The following ANXA6 variants were observed in gnomAD, a reference collection of about 807,000 sequenced individuals.
ANXA6 encodes 67 kDa calelectrin.
In ANXA6, 71 loss-of-function variants were observed where a neutral mutation model predicts 95.4. The observed-to-expected ratio is 0.74, with a 90% CI of 0.61 to 0.91. The LOEUF is 0.91. Ranked by LOEUF, ANXA6 falls within the 40% of genes least tolerant of loss-of-function variation. ANXA6 has a pLI of 0.00. For missense variants in ANXA6, 830 were observed against 876.4 expected (o/e 0.95, Z 0.67); for synonymous variants, 289 against 315.9 (o/e 0.91, Z 0.90).
chr5:151,149,366 C>T (rs567817437), intron 1 of ANXA6, among the ~76,000 whole-genome samples: 5 of 152,020 alleles, frequency 3.3e-5, no homozygotes, highest in South Asian at 2.1e-4. Context: ...ATAAGAGAAG[C>T]AGGTAGGGAG....
chr5:151,101,330 ACCCC>A lies in ANXA6; in HGVS notation c.*114_*117del. ...CCACTGAAGATAAGAGCCCAACCCAACCCCTCCCCCCACCCCTGCCCCTTCCTTA... is the reference window on the plus strand; with the variant it reads ...CCACTGAAGATAAGAGCCCAACCCAATCCCCCCACCCCTGCCCCTTCCTTA... On this transcript the variant is annotated 3_prime_UTR_variant, in exon 26 of 26. Coordinates refer to ENST00000354546, the MANE Select transcript of ANXA6 (RefSeq NM_001155.5). 5.2e-6 allele frequency: 2 copies of A among 385,868 alleles called. No homozygotes were observed. The highest frequency in any genetic ancestry group is 2.3e-5 in the African/African-American group (1 of 44,164). The allele number at this position is 385,868 out of a possible 1,614,324, so 23.9% of individuals were successfully genotyped here. A position where few individuals can be genotyped will look rare whatever the true frequency, so the allele number is the denominator to read the frequency against.
chr5:151,109,711 G>T, intron 22 of ANXA6, 42 bp downstream of exon 22: 1 of 1,484,046 alleles, frequency 6.7e-7, no homozygotes, highest in Middle Eastern at 2.0e-4. Flanking sequence ...CAGATTCTGG[G>T]ATCTTCCTGC....
chr5:151,130,271 G>A (rs1410643642), intron 11 of ANXA6, among the ~76,000 whole-genome samples: 1 of 148,626 alleles, frequency 6.7e-6, no homozygotes, highest in African/African-American at 2.5e-5. Flanking sequence ...GTCTCACTCT[G>A]TTGTCCAGGC....
At position 151,100,972 on chromosome 5, in the gene ANXA6, G is replaced by A. The variant is rs1764530865; in HGVS notation, c.*476C>T. 6.6e-6 allele frequency: 3 copies of A among 457,308 alleles called. No homozygotes were observed. Among genetic ancestry groups the A allele is most frequent in the Non-Finnish European group, 8.8e-6 (2 of 227,800 alleles). The allele number at this position is 457,308 out of a possible 1,614,324, so 28.3% of individuals were successfully genotyped here. A position where few individuals can be genotyped will look rare whatever the true frequency, so the allele number is the denominator to read the frequency against. ...AGTACTCTAGCGCGGCCTGGATGGA[G>A]ATGGGTGGTGAAATGGATGGGAAGA... On this transcript the variant is annotated 3_prime_UTR_variant, in exon 26 of 26. Transcript: ENST00000354546.
At chr5:151,134,356 C>A in intron 8 of ANXA6, 71 bp downstream of exon 8, 1 of 1,521,062 alleles carries the variant, frequency 6.6e-7, no homozygotes, top group South Asian at 1.1e-5. Flanking sequence ...CAGCCCTTCC[C>A]AGGGCCCCAA....
chr5:151,142,481 CAAA>C (rs35440128), intron 2 of ANXA6, among the ~76,000 whole-genome samples: 1 of 132,914 alleles, frequency 7.5e-6, no homozygotes, highest in Admixed American at 7.7e-5. Context: ...GACTCTGTCT[CAAA>C]AAAAAAAAAA....
chr5:151,104,107 T>C (rs2113889278), intron 24 of ANXA6, among the ~76,000 whole-genome samples: 1 of 152,198 alleles, frequency 6.6e-6, no homozygotes, highest in East Asian at 1.9e-4. Flanking sequence ...ACCGGAGTGA[T>C]GCATTCACAG....
intron 1 of ANXA6, among the ~76,000 whole-genome samples, chr5:151,149,179 CAA>C (rs36120948): frequency 4.2e-5 from 2 of 47,290 alleles, no homozygotes; most frequent in Non-Finnish European, 7.6e-5. Context: ...AGCCCTGTCT[CAA>C]AAAAAAAAAA....
intron 1 of ANXA6, among the ~76,000 whole-genome samples, chr5:151,152,387 C>T (rs1458705319): frequency 6.6e-6 from 1 of 152,164 alleles, no homozygotes; most frequent in Non-Finnish European, 1.5e-5. Flanking sequence ...GTGGTCGATG[C>T]CCAAGTTCAA....
In ANXA6 at chr5:151,101,419, T is replaced by G. The variant is rs1236329646; in HGVS notation, c.*29A>C. On this transcript the variant is annotated 3_prime_UTR_variant, in exon 26 of 26. Coordinates refer to ENST00000354546, the MANE Select transcript of ANXA6 (RefSeq NM_001155.5). ...GCGGCTGGTGCTGATAACCATTTCT[T>G]GGCAGAAGTGCCCGCCAAAGCTGTG... 1 of 1,542,880 alleles carries G rather than the reference T, an allele frequency of 6.5e-7. No individual in the cohort carries two copies. Among genetic ancestry groups the G allele is most frequent in the Non-Finnish European group, 8.8e-7 (1 of 1,141,434 alleles).
At position 151,131,246 on chromosome 5, in the gene ANXA6, G is replaced by T; in HGVS notation, c.780C>A (p.Leu260=). Residue 260 remains leucine (L), a synonymous_variant, in exon 11 of 26, where the codon CTC becomes CTA. Transcript: ENST00000354546. ...CACCACGCACCTTCATAGCCTTGAA[G>T]AGCCTTTCAGCAAAATATTCCGGGG... The part of the protein sequence containing the change: ...RSTPEYFAER[L]FKAMKGLGTR... 6.2e-7 allele frequency: 1 copy of T among 1,614,012 alleles called. No individual in the cohort carries two copies. Among genetic ancestry groups the T allele is most frequent in the Non-Finnish European group, 8.5e-7 (1 of 1,179,894 alleles).
intron 11 of ANXA6, among the ~76,000 whole-genome samples, 168 bp from the exon 12 acceptor site, chr5:151,129,697 T>TTTTGTTTGTTTG (rs35609303): frequency 0.013 from 1,916 of 149,280 alleles, 29 homozygotes; most frequent in Middle Eastern, 0.034. Context: ...CCTCTTACTG[T>TTTTGTTTGTTTG]TTTGTTTGTT....
Position 151,101,225 on chromosome 5 carries a change from G to T in ANXA6, c.*223C>A. The T allele has an allele frequency of 1.6e-6, 1 of 616,950 alleles. No homozygotes were observed. 38.2% of individuals were successfully genotyped at this position (616,950 alleles called of 1,614,324 possible). The stretch of plus-strand genomic sequence containing the variant: ...GTCAGAGGGGAGTGGAGGTGGACAG[G>T]ATCTATGGCTACGGTTTTTCAGCCG... On this transcript the variant is annotated 3_prime_UTR_variant, in exon 26 of 26. Coordinates refer to ENST00000354546, the MANE Select transcript of ANXA6 (RefSeq NM_001155.5).
intron 23 of ANXA6, 147 bp from the exon 24 acceptor site, chr5:151,105,450 C>A (rs1378764728): frequency 1.3e-5 from 9 of 693,488 alleles, no homozygotes; most frequent in Admixed American, 2.2e-5. Flanking sequence ...TCAGACGACA[C>A]CTTTGCTCCC....
rs985609729 is a variant in ANXA6, at chr5:151,136,240, T to C, written c.489+16A>G. 3.1e-6 allele frequency: 5 copies of C among 1,613,138 alleles called. No individual in the cohort carries two copies. The highest frequency in any genetic ancestry group is 4.5e-5 in the East Asian group (2 of 44,856). On this transcript the variant is annotated intron_variant, in intron 7 of 25. Coordinates refer to ENST00000354546, the MANE Select transcript of ANXA6 (RefSeq NM_001155.5). ...TATCCCAAGCTCCAGAGGAAAAAAA[T>C]AGGCTGTGAACCAACCTGGAGCAGG...
chr5:151,133,823 T>G lies in ANXA6; in HGVS notation c.546+604A>C, dbSNP rs1765584594. ...TTCCCGATGCCCCCAGGCACAGTTC[T>G]ATTTCCCTCCTTTCCTCCCTCTCCT... On this transcript the variant is annotated intron_variant, in intron 8 of 25. Transcript: ENST00000354546. Among the ~76,000 whole-genome samples, 3 of 152,330 alleles carry G rather than the reference T, an allele frequency of 2.0e-5. No homozygotes were observed. In the South Asian group the frequency reaches 6.2e-4, roughly 32 times the overall value.
At chr5:151,147,824 A>T in intron 2 of ANXA6, 60 bp downstream of exon 2, 2 of 1,557,618 alleles carry the variant, frequency 1.3e-6, no homozygotes, top group Non-Finnish European at 1.7e-6. Flanking sequence ...TAGTGGCTCC[A>T]GGAGGATCCC....
rs186259458 is a variant in ANXA6 at position 151,141,755 on chromosome 5, G to A, written c.19-1512C>T. 8 of 975,960 alleles carry A rather than the reference G, an allele frequency of 8.2e-6. No individual in the cohort carries two copies. The East Asian group carries it at 8.0e-4, about 97-fold the overall frequency. The allele number at this position is 975,960 out of a possible 1,614,324, so 60.5% of individuals were successfully genotyped here. ...GAACACAGCTCTCTTCCTGCCACCTGGGAATCCCCTGCAACCTGATCACGC... is the reference window on the plus strand; with the variant it reads ...GAACACAGCTCTCTTCCTGCCACCTAGGAATCCCCTGCAACCTGATCACGC... On this transcript the variant is annotated intron_variant, in intron 2 of 25. Coordinates refer to ENST00000354546, the MANE Select transcript of ANXA6 (RefSeq NM_001155.5).
chr5:151,126,409 C>T lies in ANXA6; in HGVS notation c.1049G>A (p.Arg350Gln), dbSNP rs373658825. ...YQMWELSAVA[R>Q]VELKGTVRPA... ...AGGAGGGGAAGGTCTGACCTCTACT[C>T]GGGCCACTGCACTAAGTTCCCACAT... The change falls in exon 14 of 26, where the codon CGA becomes CAA. Residue 350 changes from arginine (R) to glutamine (Q), a missense_variant. Physicochemically the swap from Arg to Gln is conservative, Grantham distance 43 (BLOSUM62 1). Transcript: ENST00000354546. 5.5e-4 allele frequency: 892 copies of T among 1,608,888 alleles called. 11 individuals carry two copies. The South Asian group carries it at 7.1e-3, about 13-fold the overall frequency.
Sources: gnomAD v4.1 joint callset for allele counts (sites outside exome capture counted in the v4.1 genomes callset) on GRCh38, gnomAD v4.1.1 for gene constraint, MANE v1.5 for transcripts, NCBI Gene and HGNC (gene_info 2026-07-23, HGNC 2026-07-21) for gene names.